Variants in PICALM observed in about 807,000 individuals in gnomAD.
PICALM encodes the protein phosphatidylinositol binding clathrin assembly protein, also known as phosphatidylinositol-binding clathrin assembly protein.
Under a neutral mutation model 80.5 loss-of-function variants are expected in PICALM, and 40 were observed. The ratio of observed to expected loss-of-function variants is 0.50; its 90% CI spans 0.39 to 0.65. The LOEUF (loss-of-function observed/expected upper bound fraction) is 0.65, where lower values mean the gene tolerates loss of function less well. Among genes scored for constraint, PICALM ranks in the 30% least tolerant of loss-of-function variants. PICALM has a pLI of 0.00. For missense variants in PICALM, 676 were observed against 778.9 expected (o/e 0.87, Z 1.57); for synonymous variants, 288 against 260.3 (o/e 1.11, Z -1.02).
chr11:86,030,576 G>A (rs2095733950), intron 2 of PICALM, among the ~76,000 whole-genome samples: 1 of 152,196 alleles, frequency 6.6e-6, no homozygotes, highest in Admixed American at 6.5e-5. Context: ...TTATTGAGCT[G>A]AGAAAATGAA....
chr11:86,032,234 T>G (rs1469364536), intron 1 of PICALM, among the ~76,000 whole-genome samples: 1 of 152,138 alleles, frequency 6.6e-6, no homozygotes, highest in African/African-American at 2.4e-5. Flanking sequence ...TAGGTAATAC[T>G]GAGAACAAAA....
At chr11:86,063,401 A>G (rs1474994650) in intron 1 of PICALM, among the ~76,000 whole-genome samples, 10 of 152,172 alleles carry the variant, frequency 6.6e-5, no homozygotes. Flanking sequence ...AAAGTCTTAT[A>G]CTATTTCTTA....
At chr11:85,991,402 CTT>C (rs1427017904) in intron 12 of PICALM, among the ~76,000 whole-genome samples, 1 of 152,048 alleles carries the variant, frequency 6.6e-6, no homozygotes, top group African/African-American at 2.4e-5. Flanking sequence ...GTATTTTACT[CTT>C]AAGATTGTAT....
rs777863157 is a variant in PICALM, at chr11:85,981,728, G to A, written c.1679+17C>T. ...AAATAACACACGGAGAAAACAATGT[G>A]TATATTAAACACTCACTTCTTAGTG... On this transcript the variant is annotated intron_variant, in intron 16 of 19. Transcript: ENST00000393346. 6 of 1,586,954 alleles carry A rather than the reference G, an allele frequency of 3.8e-6. No homozygotes were observed. The highest frequency in any genetic ancestry group is 5.2e-6 in the Non-Finnish European group (6 of 1,155,844).
intron 5 of PICALM, among the ~76,000 whole-genome samples, chr11:86,013,067 C>T (rs994047946): frequency 3.3e-5 from 5 of 152,034 alleles, no homozygotes; most frequent in South Asian, 2.1e-4. Context: ...TTTGTGAGGC[C>T]GAGGCAGGAG....
chr11:86,044,966 G>A (rs182520436), intron 1 of PICALM, among the ~76,000 whole-genome samples: 8 of 152,302 alleles, frequency 5.3e-5, no homozygotes, highest in East Asian at 3.9e-4. Context: ...GTTGGGGACC[G>A]TTGCTGTAAG....
intron 5 of PICALM, among the ~76,000 whole-genome samples, chr11:86,012,829 G>A (rs1220438757): frequency 2.0e-5 from 3 of 151,208 alleles, no homozygotes; most frequent in Admixed American, 6.6e-5. Context: ...ATTATATAGG[G>A]AGAATCCTAA....
intron 11 of PICALM, among the ~76,000 whole-genome samples, chr11:85,998,511 G>A (rs535455070): frequency 6.6e-5 from 10 of 151,972 alleles, no homozygotes; most frequent in Non-Finnish European, 1.0e-4. Context: ...GGGGTCTGGA[G>A]GCTGGGTGTA....
chr11:86,049,247 C>T (rs1188770574), intron 1 of PICALM, among the ~76,000 whole-genome samples: 2 of 152,080 alleles, frequency 1.3e-5, no homozygotes, highest in Admixed American at 1.3e-4. Flanking sequence ...TGTGCCACTG[C>T]ACTGCAGCCT....
At chr11:85,969,874 G>A (rs568895422) in intron 19 of PICALM, among the ~76,000 whole-genome samples, 81 of 152,194 alleles carry the variant, frequency 5.3e-4, no homozygotes, top group African/African-American at 1.9e-3. Context: ...AAATAAAGCT[G>A]TCTTCATTCC....
intron 1 of PICALM, among the ~76,000 whole-genome samples, chr11:86,050,812 C>CT (rs71468978): frequency 0.1 from 15,231 of 151,810 alleles, 925 homozygotes; most frequent in Admixed American, 0.14. Context: ...AAGAAACTCC[C>CT]TTTTTTTTAC....
intron 13 of PICALM, among the ~76,000 whole-genome samples, chr11:85,987,653 TGA>T (rs1250737527): frequency 2.0e-5 from 3 of 152,260 alleles, no homozygotes; most frequent in Non-Finnish European, 4.4e-5. Flanking sequence ...TTAAATTTTC[TGA>T]GAGATAGGGT....
chr11:86,035,897 G>C lies in PICALM; in HGVS notation c.131-4286C>G, dbSNP rs1375358394. On this transcript the variant is annotated intron_variant, in intron 1 of 19. Coordinates refer to ENST00000393346, the MANE Select transcript of PICALM (RefSeq NM_007166.4). ...TGGGAGGCGGAGGTTGCAGTGAGCC[G>C]AGATCATGCCACTGCACTCCAGCCT... 7.0e-5 allele frequency among the ~76,000 whole-genome samples: 10 copies of C among 142,900 alleles called. No homozygotes were observed. In the Admixed American group the frequency reaches 7.2e-4, roughly 10 times the overall value. The allele number at this position is 142,900 out of a possible 152,430, so 93.7% of individuals were successfully genotyped here. A position where few individuals can be genotyped will look rare whatever the true frequency, so the allele number is the denominator to read the frequency against.
chr11:85,962,871 C>G (rs2093736058), intron 19 of PICALM, among the ~76,000 whole-genome samples: 1 of 152,210 alleles, frequency 6.6e-6, no homozygotes, highest in Non-Finnish European at 1.5e-5. Flanking sequence ...CCCTGACCAT[C>G]CTACCCCTTC....
Position 86,065,038 on chromosome 11 carries a change from C to T in PICALM, c.130+3613G>A, listed in dbSNP as rs187593017. 3.0e-3 allele frequency among the ~76,000 whole-genome samples: 452 copies of T among 152,198 alleles called. 3 individuals carry two copies. The highest frequency in any genetic ancestry group is 0.01 in the African/African-American group (434 of 41,502). On this transcript the variant is annotated intron_variant, in intron 1 of 19. Transcript: ENST00000393346. Reference sequence around the variant, plus strand: ...GATAAGGCTGCAGTGAGCCATGATCCTGCCACTGCACACCAGAGACAGAGC... The same window carrying T: ...GATAAGGCTGCAGTGAGCCATGATCTTGCCACTGCACACCAGAGACAGAGC...
chr11:86,028,361 T>G (rs1383351513), intron 2 of PICALM, among the ~76,000 whole-genome samples: 51 of 152,236 alleles, frequency 3.4e-4, no homozygotes, highest in Non-Finnish European at 7.3e-5. Flanking sequence ...GCATTTGTTA[T>G]GCCATTCACT....
chr11:85,971,089 A>T (rs922897642), intron 19 of PICALM, among the ~76,000 whole-genome samples: 3 of 152,210 alleles, frequency 2.0e-5, no homozygotes, highest in Non-Finnish European at 4.4e-5. Flanking sequence ...ATTAAAAGTA[A>T]CATTAACAAA....
chr11:85,989,463 C>T (rs190739824), intron 13 of PICALM, among the ~76,000 whole-genome samples: 11 of 152,228 alleles, frequency 7.2e-5, no homozygotes, highest in East Asian at 3.9e-4. Context: ...TTCACATCAC[C>T]GTTAAGCTGT....
At chr11:85,990,006 A>G (rs533351704) in intron 13 of PICALM, among the ~76,000 whole-genome samples, 37 of 80,872 alleles carry the variant, frequency 4.6e-4, no homozygotes, top group Non-Finnish European at 5.9e-4. Flanking sequence ...AGAACCAAAC[A>G]CCAAAAAAAA....
Sources: gnomAD v4.1 joint callset for allele counts (sites outside exome capture counted in the v4.1 genomes callset) on GRCh38, gnomAD v4.1.1 for gene constraint, MANE v1.5 for transcripts, NCBI Gene and HGNC (gene_info 2026-07-23, HGNC 2026-07-21) for gene names.